The following CACNA2D3 variants were observed in gnomAD, a reference collection of about 807,000 sequenced individuals.
CACNA2D3 encodes the protein voltage-dependent calcium channel subunit alpha-2/delta-3.
A neutral mutation model predicts 160.6 loss-of-function variants in CACNA2D3; 60 were observed. The observed-to-expected ratio is 0.37, with a 90% CI of 0.30 to 0.46. The LOEUF (loss-of-function observed/expected upper bound fraction) is 0.46, where lower values mean the gene tolerates loss of function less well. Ranked by LOEUF, CACNA2D3 falls within the 20% of genes least tolerant of loss-of-function variation. CACNA2D3 has a pLI of 1.00. For synonymous variants in CACNA2D3, 558 were observed against 492.9 expected (o/e 1.13, Z -1.75); for missense variants, 1,205 against 1,365.0 (o/e 0.88, Z 1.85).
chr3:54,739,751 ATGTGTGTGTGTGTG>A (rs5849058), intron 11 of CACNA2D3, among the ~76,000 whole-genome samples: 10,888 of 145,794 alleles, frequency 0.075, 508 homozygotes, highest in Middle Eastern at 0.11. Context: ...CTCCTCATAT[ATGTGTGTGTGTGTG>A]TGTGTGTGTG....
intron 2 of CACNA2D3, among the ~76,000 whole-genome samples, chr3:54,298,856 G>A (rs1157506760): frequency 6.7e-6 from 1 of 149,024 alleles, no homozygotes; most frequent in Non-Finnish European, 1.5e-5. Flanking sequence ...TAGTTGGGAG[G>A]ATTGCTTGAA....
intron 14 of CACNA2D3, among the ~76,000 whole-genome samples, chr3:54,822,836 C>CT (rs1559595868): frequency 6.4e-4 from 53 of 82,872 alleles, no homozygotes; most frequent in Middle Eastern, 5.6e-3. Context: ...TCTTTCTTTT[C>CT]TTTCTTTCTT....
chr3:54,202,715 C>G (rs910490036), intron 2 of CACNA2D3, among the ~76,000 whole-genome samples: 1 of 152,180 alleles, frequency 6.6e-6, no homozygotes, highest in African/African-American at 2.4e-5. Context: ...CAAAAAAACC[C>G]AGGAAACTGG....
rs60658325 is a variant in CACNA2D3, at chr3:54,822,836, C to T, written c.1398+5966C>T. Among the ~76,000 whole-genome samples, 96 of 82,764 alleles carry T rather than the reference C, an allele frequency of 1.2e-3. 1 individual carries two copies. The highest frequency in any genetic ancestry group is 2.3e-3 in the African/African-American group (40 of 17,640). 54.3% of individuals were successfully genotyped at this position (82,764 alleles called of 152,430 possible). On this transcript the variant is annotated intron_variant, in intron 14 of 37. Transcript: ENST00000474759. Reference sequence around the variant, plus strand: ...CTTTCTTTCTTTCTTTCTTTCTTTTCTTTCTTTCTTTCTTTCTTTCTTTCT... The same window carrying T: ...CTTTCTTTCTTTCTTTCTTTCTTTTTTTTCTTTCTTTCTTTCTTTCTTTCT...
intron 4 of CACNA2D3, among the ~76,000 whole-genome samples, chr3:54,394,039 C>T (rs1161771688): frequency 1.3e-5 from 2 of 152,154 alleles, no homozygotes; most frequent in African/African-American, 4.8e-5. Context: ...TCCAGAGTTA[C>T]CACTATGAGG....
intron 3 of CACNA2D3, among the ~76,000 whole-genome samples, chr3:54,370,530 G>A (rs564296137): frequency 9.9e-5 from 15 of 152,072 alleles, no homozygotes; most frequent in South Asian, 2.1e-4. Context: ...CCTGGTGAGC[G>A]GATGAGAACT....
At chr3:54,978,683 T>G (rs1702444492) in intron 29 of CACNA2D3, among the ~76,000 whole-genome samples, 1 of 152,180 alleles carries the variant, frequency 6.6e-6, no homozygotes. Context: ...CAAGCTGATA[T>G]GAGGTTGCTA....
rs1434354088 is a variant in CACNA2D3 at position 54,736,135 on chromosome 3, A to G, written c.1168-16464A>G. 1.6e-4 allele frequency among the ~76,000 whole-genome samples: 13 copies of G among 81,404 alleles called. 1 individual carries two copies. Among genetic ancestry groups the G allele is most frequent in the Middle Eastern group, 6.0e-3 (1 of 168 alleles). The allele number at this position is 81,404 out of a possible 152,430, so 53.4% of individuals were successfully genotyped here. A position where few individuals can be genotyped will look rare whatever the true frequency, so the allele number is the denominator to read the frequency against. ...TATATATATACATATATATATGTAT[A>G]TATATACACACACACACACACACAC... On this transcript the variant is annotated intron_variant, in intron 11 of 37. Coordinates refer to ENST00000474759, the MANE Select transcript of CACNA2D3 (RefSeq NM_018398.3).
intron 2 of CACNA2D3, among the ~76,000 whole-genome samples, chr3:54,191,657 G>C (rs1250974012): frequency 6.6e-6 from 1 of 152,140 alleles, no homozygotes; most frequent in Non-Finnish European, 1.5e-5. Context: ...CTCATGGACA[G>C]GTTGGCTTTG....
chr3:54,191,975 C>T (rs1184848128), intron 2 of CACNA2D3, among the ~76,000 whole-genome samples: 2 of 152,034 alleles, frequency 1.3e-5, no homozygotes, highest in South Asian at 2.1e-4. Flanking sequence ...GGCATTGAGG[C>T]GGTTTGTTTG....
intron 2 of CACNA2D3, among the ~76,000 whole-genome samples, chr3:54,220,436 A>G (rs929157679): frequency 2.0e-5 from 3 of 152,212 alleles, no homozygotes; most frequent in African/African-American, 4.8e-5. Flanking sequence ...GCACTAAAAG[A>G]ATGACAGATG....
Position 55,073,803 on chromosome 3 carries a change from C to G in CACNA2D3, c.3127C>G (p.Leu1043Val), listed in dbSNP as rs200648605. 1.9e-6 allele frequency: 3 copies of G among 1,613,658 alleles called. No homozygotes were observed. Among genetic ancestry groups the G allele is most frequent in the South Asian group, 1.1e-5 (1 of 91,038 alleles). The change falls in exon 37 of 38, where the codon CTA becomes GTA. Residue 1043 changes from leucine to valine, a missense_variant. Physicochemically the swap from Leu to Val is conservative, Grantham distance 32. Coordinates refer to ENST00000474759, the MANE Select transcript of CACNA2D3 (RefSeq NM_018398.3). Reference sequence around the variant, plus strand: ...TAATGAATCCCTTAAGTGTGAACGTCTAAAGGCCCAGAAGATCAGAAGGCG... The same window carrying G: ...TAATGAATCCCTTAAGTGTGAACGTGTAAAGGCCCAGAAGATCAGAAGGCG... ...RYNESLKCER[L>V]KAQKIRRRPE...
chr3:54,865,655 C>G (rs563601618), intron 17 of CACNA2D3, among the ~76,000 whole-genome samples: 1 of 152,202 alleles, frequency 6.6e-6, no homozygotes, highest in Non-Finnish European at 1.5e-5. Flanking sequence ...AGGAATAGGG[C>G]TATTTATAAA....
intron 2 of CACNA2D3, among the ~76,000 whole-genome samples, chr3:54,293,376 C>T (rs1274764549): frequency 6.6e-6 from 1 of 152,072 alleles, no homozygotes; most frequent in Non-Finnish European, 1.5e-5. Context: ...CCAGAGTCCC[C>T]ATAGTCCATT....
At chr3:54,944,821 G>T in intron 27 of CACNA2D3, among the ~76,000 whole-genome samples, 1 of 105,760 alleles carries the variant, frequency 9.5e-6, no homozygotes, top group Admixed American at 8.6e-5. Context: ...GGGGGTGTGT[G>T]TGTGTGTGTG....
intron 9 of CACNA2D3, among the ~76,000 whole-genome samples, chr3:54,611,832 A>G (rs1372042980): frequency 6.6e-6 from 1 of 152,230 alleles, no homozygotes; most frequent in Admixed American, 6.5e-5. Flanking sequence ...AGAATCGCAT[A>G]TTGGAGTTAT....
chr3:54,446,911 A>G (rs1700230854), intron 4 of CACNA2D3, among the ~76,000 whole-genome samples: 1 of 152,170 alleles, frequency 6.6e-6, no homozygotes, highest in Non-Finnish European at 1.5e-5. Context: ...TGAACTCTCC[A>G]GCTCTCCGAC....
intron 2 of CACNA2D3, among the ~76,000 whole-genome samples, chr3:54,201,513 C>T (rs1270994015): frequency 6.6e-6 from 1 of 152,150 alleles, no homozygotes; most frequent in Non-Finnish European, 1.5e-5. Flanking sequence ...ATGTTTACAC[C>T]TTTAGGTGTC....
intron 27 of CACNA2D3, among the ~76,000 whole-genome samples, chr3:54,964,241 C>T (rs1702093600): frequency 6.6e-6 from 1 of 152,058 alleles, no homozygotes; most frequent in African/African-American, 2.4e-5. Flanking sequence ...TCACCAGATG[C>T]AGTTGTGTAA....
Sources: allele counts gnomAD v4.1 joint callset (sites outside exome capture counted in the v4.1 genomes callset), GRCh38; gene constraint gnomAD v4.1.1; transcripts MANE v1.5; gene names NCBI Gene and HGNC (gene_info 2026-07-23, HGNC 2026-07-21).